Variants in BSN observed in about 807,000 individuals in gnomAD.
BSN encodes bassoon presynaptic cytomatrix protein, also known as protein bassoon.
Under a neutral mutation model 264.8 loss-of-function variants are expected in BSN, and 57 were observed. The observed-to-expected ratio is 0.22, with a 90% confidence interval of 0.17 to 0.27. The LOEUF (loss-of-function observed/expected upper bound fraction) is 0.27. Ranked by LOEUF, BSN falls within the 10% of genes least tolerant of loss-of-function variation. The pLI is 1.00. For missense variants in BSN, 4,615 were observed against 5,232.5 expected (o/e 0.88, Z 3.64); for synonymous variants, 2,059 against 2,137.3 (o/e 0.96, Z 1.01).
At chr3:49,573,783 G>A (rs1336576673) in intron 1 of BSN, among the ~76,000 whole-genome samples, 1 of 150,698 alleles carries the variant, frequency 6.6e-6, no homozygotes, top group Non-Finnish European at 1.5e-5. Flanking sequence ...TCAGCCTCCT[G>A]AGTAGCTGGG....
rs2051734713 is a variant in BSN, at chr3:49,564,030, C to G, written c.224+9204C>G. Among the ~76,000 whole-genome samples the G allele has an allele frequency of 2.0e-5, 3 of 152,234 alleles. No individual in the cohort carries two copies. The South Asian group carries it at 6.2e-4, about 31-fold the overall frequency. On this transcript the variant is annotated intron_variant, in intron 1 of 11. Coordinates refer to ENST00000296452, the MANE Select transcript of BSN (RefSeq NM_003458.4). ...AGGTCCCTGCGCTTACTTCCTCAAT[C>G]CTGATTTTCTTCTCTGGACTTCACT...
rs749041198 is a variant in BSN, at chr3:49,653,845, C to T, written c.4289C>T (p.Ser1430Phe). The change falls in exon 5 of 12, where the codon TCC (serine) becomes TTC (phenylalanine). Residue 1430 changes from serine to phenylalanine, a missense_variant. Physicochemically the swap from Ser to Phe is radical, Grantham distance 155. Around this residue, in one of 3 missense-constraint regions of BSN, gnomAD observed 3,415 missense variants for 3,866.4 expected, o/e 0.88. Coordinates refer to ENST00000296452, the MANE Select transcript of BSN (RefSeq NM_003458.4). The surrounding 1 kb of genome is among the most constrained non-coding windows in gnomAD (Gnocchi z 6.3). ...AGCCCAACCACTGCAAACTATGGGT[C>T]CCAAACTGAGGATCTACCCCAGGCC... is the stretch of plus-strand genomic sequence containing the variant. ...GHSPTTANYG[S>F]QTEDLPQAPS... 25 of 1,614,016 alleles carry T rather than the reference C, an allele frequency of 1.5e-5. No individual in the cohort carries two copies. Among genetic ancestry groups the T allele is most frequent in the African/African-American group, 1.5e-4 (11 of 74,908 alleles).
intron 2 of BSN, among the ~76,000 whole-genome samples, chr3:49,626,334 G>T (rs561048581): frequency 6.6e-6 from 1 of 152,292 alleles, no homozygotes; most frequent in African/African-American, 2.4e-5. Flanking sequence ...AGCAGCTGGA[G>T]CCGTTTGGAC....
At chr3:49,637,116 G>T (rs911954461) in intron 2 of BSN, among the ~76,000 whole-genome samples, 4 of 152,274 alleles carry the variant, frequency 2.6e-5, no homozygotes, top group Admixed American at 6.5e-5. Flanking sequence ...AAGCATAAAT[G>T]CGGCATCAGG....
At chr3:49,637,908 G>T (rs994784264) in intron 2 of BSN, among the ~76,000 whole-genome samples, 3 of 152,226 alleles carry the variant, frequency 2.0e-5, no homozygotes, top group African/African-American at 7.2e-5. Flanking sequence ...AGTCCTTGGA[G>T]ATGGCAAGAT....
chr3:49,661,735 A>T lies in BSN; in HGVS notation c.9890A>T (p.Asp3297Val). Residue 3297 changes from aspartate (D) to valine (V), a missense_variant, in exon 6 of 12, where the codon GAT becomes GTT. By Grantham distance (152) the Asp-to-Val change is radical (BLOSUM62 -3). This residue lies in a region of BSN where 3,415 missense variants were observed against 3,866.4 expected (regional missense o/e 0.88). Transcript: ENST00000296452. ...GEEESEEDSY[D>V]PRGKGGHLRS... Reference sequence around the variant, plus strand: ...GAGGAATCTGAGGAGGACTCATACGATCCCCGCGGGAAGGGTGGCCACCTC... The same window carrying T: ...GAGGAATCTGAGGAGGACTCATACGTTCCCCGCGGGAAGGGTGGCCACCTC... 1 of 1,613,422 alleles carries T rather than the reference A, an allele frequency of 6.2e-7. No homozygotes were observed. The highest frequency in any genetic ancestry group is 1.1e-5 in the South Asian group (1 of 91,084).
At chr3:49,578,322 T>C (rs975312987) in intron 1 of BSN, among the ~76,000 whole-genome samples, 1 of 152,174 alleles carries the variant, frequency 6.6e-6, no homozygotes. Context: ...CTTTCTGAGA[T>C]ATAATTCACT....
downstream of BSN, among the ~76,000 whole-genome samples, chr3:49,672,962 G>A (rs546663891): frequency 4.0e-4 from 60 of 149,772 alleles, no homozygotes; most frequent in Admixed American, 1.3e-3. Context: ...TGTATTTTTA[G>A]TAGAGACAGG....
At chr3:49,605,739 AAATATATAT>A (rs1258254114) in intron 1 of BSN, among the ~76,000 whole-genome samples, 11 of 47,134 alleles carry the variant, frequency 2.3e-4, no homozygotes, top group Admixed American at 4.0e-4. Flanking sequence ...TATAATATAT[AAATATATAT>A]AATATATAAA....
intron 8 of BSN, among the ~76,000 whole-genome samples, chr3:49,664,192 C>T (rs2052691390): frequency 6.6e-6 from 1 of 152,164 alleles, no homozygotes; most frequent in African/African-American, 2.4e-5. Flanking sequence ...CTGCTCTTCT[C>T]TGCCTTTTTT....
chr3:49,607,658 C>G (rs898444123), intron 1 of BSN, among the ~76,000 whole-genome samples: 1 of 152,210 alleles, frequency 6.6e-6, no homozygotes. Context: ...CAGATATTTC[C>G]TTTATGACAG....
In BSN at chr3:49,663,540, GAC is replaced by G; in HGVS notation, c.11386_11387del (p.Gln3796GlyfsTer50). 1 of 1,612,190 alleles carries G rather than the reference GAC, an allele frequency of 6.2e-7. No individual in the cohort carries two copies. The highest frequency in any genetic ancestry group is 1.6e-4 in the Middle Eastern group (1 of 6,062). On this transcript the variant is annotated frameshift_variant, in exon 7 of 12. Coordinates refer to ENST00000296452, the MANE Select transcript of BSN (RefSeq NM_003458.4). LOFTEE classifies it high-confidence loss of function. ...GGCTGCAGCCCCCACAGCAGGCTCTGACACAGGCTCGGCTGCAGCAACAGAGC... is the reference window on the plus strand; with the variant it reads ...GGCTGCAGCCCCCACAGCAGGCTCTGACAGGCTCGGCTGCAGCAACAGAGC... Reference protein sequence around the residue: ...LGLQPPQQALTQARLQQQSQP... With the variant: ...LGLQPPQQALXQARLQQQSQP...
chr3:49,594,827 T>G (rs953829162), intron 1 of BSN, among the ~76,000 whole-genome samples: 2 of 152,182 alleles, frequency 1.3e-5, no homozygotes, highest in Non-Finnish European at 2.9e-5. Context: ...TCTTCCCATT[T>G]ATTTAGTTTT....
chr3:49,599,616 C>G (rs62261251), intron 1 of BSN, among the ~76,000 whole-genome samples: 8,033 of 152,174 alleles, frequency 0.053, 295 homozygotes, highest in South Asian at 0.12. Flanking sequence ...TAGACTTTCT[C>G]GATTGAATAT....
chr3:49,655,580 T>C lies in BSN; in HGVS notation c.6024T>C (p.Pro2008=). Residue 2008 remains proline (P), a synonymous_variant, in exon 5 of 12, where the codon CCT becomes CCC. Transcript: ENST00000296452. ...GGATCGGGCAGCTCTTCCAGGGTCC[T>C]GGACGAGACTCGGCTATGGACCTCA... ...AQRIGQLFQG[P]GRDSAMDLSS... The C allele has an allele frequency of 1.2e-6, 2 of 1,613,640 alleles. No individual in the cohort carries two copies. Among genetic ancestry groups the C allele is most frequent in the African/African-American group, 1.3e-5 (1 of 75,072 alleles).
chr3:49,577,064 A>G (rs886259215), intron 1 of BSN, among the ~76,000 whole-genome samples: 1 of 152,234 alleles, frequency 6.6e-6, no homozygotes, highest in Non-Finnish European at 1.5e-5. Context: ...AGGGCACGAT[A>G]GTGCTTGGAG....
In BSN at chr3:49,560,681, C is replaced by T. The variant is rs190936823; in HGVS notation, c.224+5855C>T. 5.2e-3 allele frequency among the ~76,000 whole-genome samples: 799 copies of T among 152,320 alleles called. 4 individuals carry two copies. The highest frequency in any genetic ancestry group is 0.024 in the Middle Eastern group (7 of 294). On this transcript the variant is annotated intron_variant, in intron 1 of 11. Transcript: ENST00000296452. ...GCTGGTATTGATCCTGCATTTGTAG[C>T]ACTTGCCCGAGCTCCTTTTCTGGAG...
At chr3:49,624,880 G>C (rs2052330763) in intron 1 of BSN, 95 bp from the exon 2 acceptor site, 1 of 1,198,134 alleles carries the variant, frequency 8.3e-7, no homozygotes, top group Non-Finnish European at 1.1e-6. Context: ...AGAGGGTGGT[G>C]ATGGGGCTTG....
chr3:49,558,835 C>T (rs753821054), intron 1 of BSN, among the ~76,000 whole-genome samples: 48 of 152,210 alleles, frequency 3.2e-4, no homozygotes, highest in Non-Finnish European at 6.3e-4. Context: ...TACAGTTGCT[C>T]ACAGCATCAT....
Sources: allele counts gnomAD v4.1 joint callset (sites outside exome capture counted in the v4.1 genomes callset), GRCh38; gene constraint gnomAD v4.1.1; regional missense constraint gnomAD v4.1.1; non-coding constraint Gnocchi (gnomAD v3.1); transcripts MANE v1.5; gene names NCBI Gene and HGNC (gene_info 2026-07-23, HGNC 2026-07-21).